Variants in CDK14 observed in about 807,000 individuals in gnomAD.
CDK14 encodes cyclin-dependent kinase 14.
A neutral mutation model predicts 60.7 loss-of-function variants in CDK14; 34 were observed. The ratio of observed to expected loss-of-function variants is 0.56; its 90% CI spans 0.43 to 0.75. CDK14 has a LOEUF of 0.75. Ranked by LOEUF, CDK14 falls within the 30% of genes least tolerant of loss-of-function variation. The pLI, the probability that CDK14 is intolerant of heterozygous loss-of-function variation, is 0.00. For synonymous variants in CDK14, 197 were observed against 203.7 expected (o/e 0.97, Z 0.28); for missense variants, 482 against 564.1 (o/e 0.85, Z 1.47).
chr7:90,753,678 A>G (rs1278166209), intron 4 of CDK14, among the ~76,000 whole-genome samples: 1 of 152,116 alleles, frequency 6.6e-6, no homozygotes, highest in Non-Finnish European at 1.5e-5. Flanking sequence ...CATCCAAATA[A>G]GAAATCAAGT....
intron 2 of CDK14, among the ~76,000 whole-genome samples, chr7:90,715,004 T>C (rs1802196279): frequency 6.6e-6 from 1 of 152,086 alleles, no homozygotes; most frequent in South Asian, 2.1e-4. Context: ...GTTCATATGG[T>C]TACTGGGGGA....
At chr7:90,809,352 A>G (rs1230551560) in intron 5 of CDK14, among the ~76,000 whole-genome samples, 2 of 152,214 alleles carry the variant, frequency 1.3e-5, no homozygotes, top group Non-Finnish European at 2.9e-5. Context: ...GAAACTGAAC[A>G]ACCTGCTCCC....
intron 6 of CDK14, among the ~76,000 whole-genome samples, chr7:90,867,119 A>C (rs1791218357): frequency 6.6e-6 from 1 of 152,176 alleles, no homozygotes; most frequent in African/African-American, 2.4e-5. Context: ...GTTGGGTCTA[A>C]TATGTCAAAC....
chr7:90,807,519 A>C (rs1038189397), intron 5 of CDK14, among the ~76,000 whole-genome samples: 2 of 152,186 alleles, frequency 1.3e-5, no homozygotes, highest in Admixed American at 6.5e-5. Context: ...ATGGGGAAAA[A>C]ACAGAGCAGA....
intron 7 of CDK14, among the ~76,000 whole-genome samples, chr7:90,907,389 C>G (rs1792743739): frequency 6.6e-6 from 1 of 151,922 alleles, no homozygotes; most frequent in African/African-American, 2.4e-5. Context: ...ATCCTTTATT[C>G]AGTTTTTCAT....
intron 5 of CDK14, among the ~76,000 whole-genome samples, chr7:90,852,803 C>T (rs989973861): frequency 5.9e-5 from 9 of 152,178 alleles, no homozygotes; most frequent in African/African-American, 2.2e-4. Context: ...CACAAGGCCA[C>T]TGCTGAGTAG....
At chr7:91,035,054 C>T (rs1280297967) in intron 10 of CDK14, among the ~76,000 whole-genome samples, 1 of 151,980 alleles carries the variant, frequency 6.6e-6, no homozygotes, top group Non-Finnish European at 1.5e-5. Context: ...AAATAATTAG[C>T]ATTGACACTG....
intron 9 of CDK14, among the ~76,000 whole-genome samples, chr7:90,976,781 C>T (rs551894627): frequency 6.0e-4 from 92 of 152,220 alleles, no homozygotes; most frequent in Admixed American, 1.6e-3. Flanking sequence ...TATTTACTCT[C>T]ATTTTGTGGG....
chr7:90,640,896 C>G (rs1478523082), intron 2 of CDK14, among the ~76,000 whole-genome samples: 1 of 152,022 alleles, frequency 6.6e-6, no homozygotes, highest in Non-Finnish European at 1.5e-5. Context: ...TCTTACAACT[C>G]AATAATAAAA....
At chr7:90,635,584 T>C (rs929683404) in intron 2 of CDK14, among the ~76,000 whole-genome samples, 2 of 152,216 alleles carry the variant, frequency 1.3e-5, no homozygotes, top group South Asian at 2.1e-4. Context: ...TCCAGCTTTG[T>C]TCTTTTGTCT....
In CDK14 at chr7:90,861,756, A is replaced by C. The variant is rs371736508; in HGVS notation, c.545-1419A>C. On this transcript the variant is annotated intron_variant, in intron 5 of 14. Transcript: ENST00000380050. ...AGTGCCAGCTGTAAAAAGTACATAG[A>C]AGAGGGCAAAGGTGACAGAAAAAAA... 7.9e-5 allele frequency among the ~76,000 whole-genome samples: 12 copies of C among 152,298 alleles called. 1 individual carries two copies. The South Asian group carries it at 2.5e-3, about 32-fold the overall frequency.
At chr7:90,936,610 T>G (rs1190947554) in intron 8 of CDK14, among the ~76,000 whole-genome samples, 1 of 152,222 alleles carries the variant, frequency 6.6e-6, no homozygotes, top group Non-Finnish European at 1.5e-5. Flanking sequence ...ATTATTTTAA[T>G]TTTTGATATG....
intron 5 of CDK14, among the ~76,000 whole-genome samples, chr7:90,811,955 A>C (rs930928817): frequency 6.6e-6 from 1 of 152,342 alleles, no homozygotes; most frequent in South Asian, 2.1e-4. Context: ...ATCATTAAAA[A>C]GTCAGGAAAC....
intron 5 of CDK14, among the ~76,000 whole-genome samples, chr7:90,812,056 T>C (rs1350030161): frequency 6.6e-6 from 1 of 152,202 alleles, no homozygotes; most frequent in Non-Finnish European, 1.5e-5. Context: ...GAAGTCAGTG[T>C]GGCGATTCCT....
chr7:90,837,450 G>C (rs1790145265), intron 5 of CDK14, among the ~76,000 whole-genome samples: 1 of 151,780 alleles, frequency 6.6e-6, no homozygotes, highest in African/African-American at 2.4e-5. Context: ...ACCACACCCG[G>C]CTAATTAAAT....
At chr7:91,114,708 A>G (rs1416157609) in intron 13 of CDK14, among the ~76,000 whole-genome samples, 1 of 152,178 alleles carries the variant, frequency 6.6e-6, no homozygotes, top group South Asian at 2.1e-4. Context: ...TCCGGTAACA[A>G]TTTTGAGTTA....
intron 4 of CDK14, among the ~76,000 whole-genome samples, chr7:90,756,907 A>G (rs745847388): frequency 2.0e-5 from 3 of 152,262 alleles, no homozygotes; most frequent in Non-Finnish European, 4.4e-5. Context: ...TTTTACACAT[A>G]TGTGTTGGTT....
intron 3 of CDK14, among the ~76,000 whole-genome samples, chr7:90,730,356 T>G (rs1802813727): frequency 6.6e-6 from 1 of 152,254 alleles, no homozygotes; most frequent in African/African-American, 2.4e-5. Flanking sequence ...TTTACAATCC[T>G]TTGGGTATAT....
intron 11 of CDK14, among the ~76,000 whole-genome samples, chr7:91,058,224 T>G (rs1317664106): frequency 6.6e-6 from 1 of 151,280 alleles, no homozygotes; most frequent in East Asian, 1.9e-4. Context: ...TGTTGGTGTA[T>G]AAGAATGCTT....
Sources: allele counts gnomAD v4.1 joint callset (sites outside exome capture counted in the v4.1 genomes callset), GRCh38; gene constraint gnomAD v4.1.1; transcripts MANE v1.5; gene names NCBI Gene and HGNC (gene_info 2026-07-23, HGNC 2026-07-21).